Variants in TRABD2B observed in about 807,000 individuals in gnomAD.
The protein encoded by TRABD2B is metalloprotease TIKI2.
TRABD2B carries 14 observed loss-of-function variants against 40.1 expected under a neutral mutation model. The ratio of observed to expected loss-of-function variants is 0.35; its 90% CI spans 0.23 to 0.55. The LOEUF is 0.55. TRABD2B is among the 20% of genes least tolerant of loss of function. The pLI is 0.90. For synonymous variants in TRABD2B, 263 were observed against 277.0 expected (o/e 0.95, Z 0.50); for missense variants, 541 against 648.6 (o/e 0.83, Z 1.80).
chr1:47,926,008 T>C (rs1183834543), intron 2 of TRABD2B, among the ~76,000 whole-genome samples: 1 of 152,218 alleles, frequency 6.6e-6, no homozygotes, highest in East Asian at 1.9e-4. Context: ...ATAAGTGTGA[T>C]GCAAATGTTA....
chr1:47,908,712 G>A (rs58473929), intron 2 of TRABD2B, among the ~76,000 whole-genome samples: 6,275 of 152,284 alleles, frequency 0.041, 447 homozygotes, highest in African/African-American at 0.14. Flanking sequence ...GAGCCAGCTC[G>A]GCCAGGCACA....
Position 47,996,506 on chromosome 1 carries a change from T to C in TRABD2B, c.102+182A>G, listed in dbSNP as rs904652055. 3.9e-5 allele frequency among the ~76,000 whole-genome samples: 6 copies of C among 152,054 alleles called. No individual in the cohort carries two copies. The highest frequency in any genetic ancestry group is 8.8e-5 in the Non-Finnish European group (6 of 67,986). On this transcript the variant is annotated intron_variant, in intron 1 of 6. Coordinates refer to ENST00000606738, the MANE Select transcript of TRABD2B (RefSeq NM_001194986.2). This position sits in a 1 kb window ranked among gnomAD's most constrained non-coding sequence, Gnocchi z 4.6. ...CCGGAGAGGGAGCGCCCCTTCTCGC[T>C]CCTGGCTGGGAGCTGGAGCCGGGAC...
At chr1:47,951,570 C>T (rs531781818) in intron 2 of TRABD2B, among the ~76,000 whole-genome samples, 3 of 152,272 alleles carry the variant, frequency 2.0e-5, no homozygotes, top group East Asian at 1.9e-4. Context: ...TAGGCTGCTG[C>T]GGCCTGAGGA....
intron 2 of TRABD2B, among the ~76,000 whole-genome samples, chr1:47,806,493 G>A (rs1340564515): frequency 6.6e-6 from 1 of 152,126 alleles, no homozygotes; most frequent in Non-Finnish European, 1.5e-5. Context: ...CTAGGATAAT[G>A]TTTATGATAA....
intron 2 of TRABD2B, among the ~76,000 whole-genome samples, chr1:47,935,981 T>C (rs930011711): frequency 6.6e-6 from 1 of 152,150 alleles, no homozygotes; most frequent in African/African-American, 2.4e-5. Flanking sequence ...GAGACTCAAA[T>C]GTAAAAATAG....
intron 2 of TRABD2B, among the ~76,000 whole-genome samples, chr1:47,989,772 AC>A (rs1645974092): frequency 1.3e-5 from 2 of 151,844 alleles, no homozygotes; most frequent in African/African-American, 4.8e-5. Flanking sequence ...ACACACACAC[AC>A]AAACACACAC....
rs1646105652 is a variant in TRABD2B at position 47,997,141 on chromosome 1, G to A, written c.-352C>T. On this transcript the variant is annotated 5_prime_UTR_variant, in exon 1 of 7. Coordinates refer to ENST00000606738, the MANE Select transcript of TRABD2B (RefSeq NM_001194986.2). Reference sequence around the variant, plus strand: ...CGCGGGGTTCCTGGGGCAGAACCGAGAACCCGGGGTGCGCAAGGGTCCCGG... The same window carrying A: ...CGCGGGGTTCCTGGGGCAGAACCGAAAACCCGGGGTGCGCAAGGGTCCCGG... 5 of 984,254 alleles carry A rather than the reference G, an allele frequency of 5.1e-6. No individual in the cohort carries two copies. The highest frequency in any genetic ancestry group is 6.0e-6 in the Non-Finnish European group (5 of 829,434). The allele number at this position is 984,254 out of a possible 1,614,324, so 61.0% of individuals were successfully genotyped here. A position where few individuals can be genotyped will look rare whatever the true frequency, so the allele number is the denominator to read the frequency against.
intron 4 of TRABD2B, among the ~76,000 whole-genome samples, chr1:47,785,431 C>G (rs1644582724): frequency 6.6e-6 from 1 of 152,210 alleles, no homozygotes; most frequent in African/African-American, 2.4e-5. Context: ...CAGCCTTTAC[C>G]AGCTGCTCCT....
intron 2 of TRABD2B, among the ~76,000 whole-genome samples, chr1:47,982,016 G>GGT (rs1645847917): frequency 6.6e-6 from 1 of 152,170 alleles, no homozygotes; most frequent in Admixed American, 6.5e-5. Flanking sequence ...CCCTCCTTTT[G>GGT]GTGTGTCCCA....
In TRABD2B at chr1:47,762,663, T is replaced by C. The variant is rs1402218838; in HGVS notation, c.*3239A>G. 1 of 152,228 alleles carries C rather than the reference T, an allele frequency of 6.6e-6. No homozygotes were observed. The highest frequency in any genetic ancestry group is 1.5e-5 in the Non-Finnish European group (1 of 68,052). The allele number at this position is 152,228 out of a possible 1,614,324, so 9.4% of individuals were successfully genotyped here. A position where few individuals can be genotyped will look rare whatever the true frequency, so the allele number is the denominator to read the frequency against. On this transcript the variant is annotated 3_prime_UTR_variant, in exon 7 of 7. Transcript: ENST00000606738. ...TGTTCATAACCAGCACAAGGTTCCATGCTTCCTAGATCCCAGATCTTTGAC... is the reference window on the plus strand; with the variant it reads ...TGTTCATAACCAGCACAAGGTTCCACGCTTCCTAGATCCCAGATCTTTGAC...
chr1:47,770,395 C>T (rs546367769), intron 6 of TRABD2B, among the ~76,000 whole-genome samples: 8 of 152,360 alleles, frequency 5.3e-5, no homozygotes, highest in African/African-American at 1.9e-4. Context: ...GCCTCCACAC[C>T]TTTGTCCACA....
chr1:47,828,503 T>C (rs1184968604), intron 2 of TRABD2B, among the ~76,000 whole-genome samples: 2 of 152,178 alleles, frequency 1.3e-5, no homozygotes, highest in Admixed American at 6.5e-5. Flanking sequence ...TGCTGCAGCC[T>C]TTGAGGAACA....
intron 2 of TRABD2B, among the ~76,000 whole-genome samples, chr1:47,924,923 CTCTG>C (rs1226521593): frequency 6.6e-6 from 1 of 152,198 alleles, no homozygotes; most frequent in Admixed American, 6.5e-5. Flanking sequence ...AAGGGCAAGT[CTCTG>C]TCTGCAACCA....
intron 2 of TRABD2B, among the ~76,000 whole-genome samples, chr1:47,929,398 A>G (rs1485640615): frequency 6.6e-5 from 10 of 152,286 alleles, no homozygotes; most frequent in Middle Eastern, 3.4e-3. Flanking sequence ...GAGGACTGTG[A>G]TTGCCTGGGT....
intron 2 of TRABD2B, among the ~76,000 whole-genome samples, chr1:47,991,586 C>G (rs568009687): frequency 6.9e-6 from 1 of 145,346 alleles, no homozygotes; most frequent in South Asian, 2.2e-4. Flanking sequence ...CTTTCTTTCT[C>G]CATTTAACAA....
intron 2 of TRABD2B, among the ~76,000 whole-genome samples, chr1:47,816,806 C>T (rs1049521746): frequency 2.0e-5 from 3 of 152,198 alleles, no homozygotes; most frequent in Non-Finnish European, 4.4e-5. Context: ...CATTCAAATC[C>T]TGCCAACTCT....
intron 2 of TRABD2B, among the ~76,000 whole-genome samples, chr1:47,990,950 T>A (rs972697266): frequency 6.6e-6 from 1 of 150,416 alleles, no homozygotes; most frequent in African/African-American, 2.4e-5. Context: ...GAGACCTGCC[T>A]CACCACCAGC....
chr1:47,871,118 A>AT lies in TRABD2B; in HGVS notation c.667-69500dup, dbSNP rs532070474. Among the ~76,000 whole-genome samples the AT allele has an allele frequency of 2.6e-5, 4 of 152,326 alleles. No individual in the cohort carries two copies. In the South Asian group the frequency reaches 8.3e-4, roughly 32 times the overall value. ...CTTCTTAATCTTCACAAACAAGCCTATGAGGTAGATAATATTATTCCCATT... is the reference window on the plus strand; with the variant it reads ...CTTCTTAATCTTCACAAACAAGCCTATTGAGGTAGATAATATTATTCCCATT... On this transcript the variant is annotated intron_variant, in intron 2 of 6. Transcript: ENST00000606738.
chr1:47,907,807 T>C (rs908423436), intron 2 of TRABD2B, among the ~76,000 whole-genome samples: 5 of 152,164 alleles, frequency 3.3e-5, no homozygotes. Context: ...AATAACTGAT[T>C]GAAAGAACTG....
Sources: gnomAD v4.1 joint callset for allele counts (sites outside exome capture counted in the v4.1 genomes callset) on GRCh38, gnomAD v4.1.1 for gene constraint, Gnocchi (gnomAD v3.1) non-coding constraint, MANE v1.5 for transcripts, NCBI Gene and HGNC (gene_info 2026-07-23, HGNC 2026-07-21) for gene names.